Variants in MTA3 observed in about 807,000 individuals in gnomAD.
The protein encoded by MTA3 is metastasis associated 1 family member 3.
Under a neutral mutation model 83.5 loss-of-function variants are expected in MTA3, and 34 were observed. The observed-to-expected ratio is 0.41, with a 90% CI of 0.31 to 0.54. MTA3 has a LOEUF of 0.54. MTA3 is among the 20% of genes least tolerant of loss of function. MTA3 has a pLI of 0.33. For missense variants in MTA3, 761 were observed against 726.4 expected, an observed-to-expected ratio of 1.05 and a Z score of -0.55; for synonymous variants, 303 against 252.7, an observed-to-expected ratio of 1.20 and a Z score of -1.89.
At chr2:42,504,383 G>T (rs1306636279) in intron 2 of MTA3, among the ~76,000 whole-genome samples, 1 of 152,094 alleles carries the variant, frequency 6.6e-6, no homozygotes. Flanking sequence ...GGGATTACAG[G>T]CATGCACCAC....
At chr2:42,645,069 C>A (rs1341979665) in intron 6 of MTA3, among the ~76,000 whole-genome samples, 1 of 151,778 alleles carries the variant, frequency 6.6e-6, no homozygotes, top group Non-Finnish European at 1.5e-5. Flanking sequence ...AAAGCCACGC[C>A]TCTTTCCCCA....
At chr2:42,508,883 A>G (rs1469721081) in intron 2 of MTA3, among the ~76,000 whole-genome samples, 1 of 147,572 alleles carries the variant, frequency 6.8e-6, no homozygotes, top group Non-Finnish European at 1.5e-5. Context: ...TATTATATAT[A>G]CAACATATAT....
At chr2:42,522,468 A>T (rs1379441969) in intron 2 of MTA3, among the ~76,000 whole-genome samples, 1 of 152,042 alleles carries the variant, frequency 6.6e-6, no homozygotes, top group Non-Finnish European at 1.5e-5. Context: ...AAACTGCTTG[A>T]CAGAATTGGG....
intron 4 of MTA3, among the ~76,000 whole-genome samples, chr2:42,632,091 G>GTTTT (rs35447248): frequency 3.2e-5 from 4 of 125,194 alleles, no homozygotes; most frequent in South Asian, 2.5e-4. Context: ...CAGCTGCTGG[G>GTTTT]TTTTTTTTTT....
Position 42,644,169 on chromosome 2 carries a change from A to G in MTA3, c.424A>G (p.Thr142Ala). 2 of 1,612,802 alleles carry G rather than the reference A, an allele frequency of 1.2e-6. No homozygotes were observed. The highest frequency in any genetic ancestry group is 2.2e-5 in the East Asian group (1 of 44,736). The change falls in exon 6 of 17, where the codon ACA becomes GCA. Residue 142 changes from threonine (T) to alanine (A), a missense_variant. Thr to Ala is a moderately conservative substitution (Grantham distance 58). Transcript: ENST00000405094. ...YSLVYDPSLK[T>A]LLADKGEIRV... ...ATTGGTCTATGACCCCTCATTGAAA[A>G]CACTATTAGCTGACAAAGGTGAAAT...
intron 3 of MTA3, among the ~76,000 whole-genome samples, chr2:42,590,918 A>G (rs1043231385): frequency 3.9e-5 from 6 of 152,036 alleles, no homozygotes; most frequent in Admixed American, 1.3e-4. Context: ...ACTGTGTGTT[A>G]TTCCACACTT....
chr2:42,667,983 A>G (rs910678657), intron 8 of MTA3, among the ~76,000 whole-genome samples: 1 of 152,196 alleles, frequency 6.6e-6, no homozygotes, highest in Non-Finnish European at 1.5e-5. Flanking sequence ...TAGCTCATGT[A>G]TGATCCGTGT....
chr2:42,623,103 G>T (rs1183744037), intron 4 of MTA3, among the ~76,000 whole-genome samples: 1 of 152,180 alleles, frequency 6.6e-6, no homozygotes, highest in Non-Finnish European at 1.5e-5. Context: ...TATATGGTGG[G>T]CGTGTCTTGC....
intron 3 of MTA3, among the ~76,000 whole-genome samples, chr2:42,592,523 G>A (rs1178592945): frequency 6.6e-6 from 1 of 152,200 alleles, no homozygotes; most frequent in Non-Finnish European, 1.5e-5. Context: ...GATTGAGGCT[G>A]CAGTGAGCTG....
intron 2 of MTA3, among the ~76,000 whole-genome samples, chr2:42,552,808 G>GAC (rs1677177948): frequency 6.6e-6 from 1 of 152,014 alleles, no homozygotes; most frequent in African/African-American, 2.4e-5. Flanking sequence ...AAATTAGCCA[G>GAC]GTGTGGCGGC....
chr2:42,727,763 A>ATCT (rs1667932210), intron 16 of MTA3, among the ~76,000 whole-genome samples: 3 of 152,090 alleles, frequency 2.0e-5, no homozygotes, highest in African/African-American at 7.2e-5. Flanking sequence ...TTTGCCTTAC[A>ATCT]GAATTGATCT....
intron 16 of MTA3, among the ~76,000 whole-genome samples, chr2:42,737,332 C>G (rs944387811): frequency 6.6e-6 from 1 of 152,234 alleles, no homozygotes; most frequent in East Asian, 1.9e-4. Context: ...TCCCCTCTGG[C>G]TAAGGCTGGC....
At chr2:42,599,430 T>TA (rs1207839548) in intron 3 of MTA3, among the ~76,000 whole-genome samples, 2 of 151,516 alleles carry the variant, frequency 1.3e-5, no homozygotes, top group Admixed American at 6.6e-5. Context: ...CCGTCTCTAC[T>TA]AAAAAAAATA....
At chr2:42,689,128 A>T (rs1692655363) in intron 9 of MTA3, among the ~76,000 whole-genome samples, 1 of 152,210 alleles carries the variant, frequency 6.6e-6, no homozygotes, top group South Asian at 2.1e-4. Flanking sequence ...GATATGGTGA[A>T]TAACATTGAT....
chr2:42,619,933 G>A (rs986812911), intron 4 of MTA3, among the ~76,000 whole-genome samples: 8 of 152,090 alleles, frequency 5.3e-5, no homozygotes, highest in Admixed American at 3.9e-4. Flanking sequence ...ACAAAGGCAA[G>A]TTCTACTTAA....
At position 42,670,768 on chromosome 2, in the gene MTA3, C is replaced by G. The variant is rs1384092059; in HGVS notation, c.702+10906C>G. 4.1e-5 allele frequency among the ~76,000 whole-genome samples: 6 copies of G among 146,576 alleles called. No individual in the cohort carries two copies. The East Asian group carries it at 1.0e-3, about 25-fold the overall frequency. On this transcript the variant is annotated intron_variant, in intron 8 of 16. Transcript: ENST00000405094. ...ACTATATATATATATATATATAGTT[C>G]TTAACAGTTTGAAAGTAAAATTTCA...
chr2:42,624,982 G>A (rs1685933656), intron 4 of MTA3, among the ~76,000 whole-genome samples: 1 of 152,078 alleles, frequency 6.6e-6, no homozygotes. Context: ...TGCATCAATG[G>A]TAAGGATATT....
intron 16 of MTA3, among the ~76,000 whole-genome samples, chr2:42,723,525 G>A (rs1667582973): frequency 6.6e-6 from 1 of 152,174 alleles, no homozygotes; most frequent in South Asian, 2.1e-4. Flanking sequence ...CCTGGGTGAT[G>A]TCCTAAATAC....
intron 3 of MTA3, among the ~76,000 whole-genome samples, chr2:42,585,846 G>A (rs572005859): frequency 9.9e-5 from 15 of 152,212 alleles, no homozygotes; most frequent in Middle Eastern, 6.8e-3. Context: ...GGTGAGATAG[G>A]AGAATCACTT....
Sources: allele counts gnomAD v4.1 joint callset (sites outside exome capture counted in the v4.1 genomes callset), GRCh38; gene constraint gnomAD v4.1.1; transcripts MANE v1.5; gene names NCBI Gene and HGNC (gene_info 2026-07-23, HGNC 2026-07-21).